SPATA13: variants seen among roughly 807,000 people sequenced by gnomAD.
The protein encoded by SPATA13 is spermatogenesis-associated protein 13.
Under a neutral mutation model 104.0 loss-of-function variants are expected in SPATA13, and 50 were observed. The observed-to-expected ratio is 0.48, with a 90% CI of 0.38 to 0.61. SPATA13 has a LOEUF of 0.61. Ranked by LOEUF, SPATA13 falls within the 20% of genes least tolerant of loss-of-function variation. The probability of loss-of-function intolerance (pLI) is 0.00; values close to 1 mark genes in which losing one functional copy is unlikely to be tolerated. For synonymous variants in SPATA13, 606 were observed against 667.5 expected, an observed-to-expected ratio of 0.91 and a Z score of 1.42; for missense variants, 1,524 against 1,690.6, an observed-to-expected ratio of 0.90 and a Z score of 1.73.
At chr13:24,134,351 T>C (rs949802286) in intron 3 of SPATA13, among the ~76,000 whole-genome samples, 15 of 152,204 alleles carry the variant, frequency 9.9e-5, no homozygotes, top group Admixed American at 2.0e-4. Flanking sequence ...AGTTATCCTC[T>C]GGAAGATTCT....
chr13:24,069,638 G>A lies in SPATA13; in HGVS notation c.-112+51937G>A, dbSNP rs77522333. 3.6e-3 allele frequency among the ~76,000 whole-genome samples: 546 copies of A among 152,174 alleles called. 14 individuals are homozygous for A. The East Asian group carries it at 0.061, about 17-fold the overall frequency. On this transcript the variant is annotated intron_variant, in intron 3 of 14. Coordinates refer to the SPATA13 transcript ENST00000424834. Reference sequence around the variant, plus strand: ...TATCTTGCCCGATTGCCCTGGCCAGGACTTAACTTTGTTTTTATTTTTCTT... The same window carrying A: ...TATCTTGCCCGATTGCCCTGGCCAGAACTTAACTTTGTTTTTATTTTTCTT...
At chr13:24,221,626 A>T (rs1296160098) in intron 1 of SPATA13, among the ~76,000 whole-genome samples, 1 of 152,026 alleles carries the variant, frequency 6.6e-6, no homozygotes, top group Non-Finnish European at 1.5e-5. Context: ...AGGCATGGAC[A>T]CAGGTGTGTG....
chr13:24,158,872 G>A (rs539927322), upstream of SPATA13, among the ~76,000 whole-genome samples: 2 of 152,188 alleles, frequency 1.3e-5, no homozygotes, highest in South Asian at 2.1e-4. Flanking sequence ...AAGGATGCGG[G>A]GGTCTTCAGG....
At chr13:24,049,811 G>A (rs1466549983) in intron 3 of SPATA13, among the ~76,000 whole-genome samples, 2 of 152,122 alleles carry the variant, frequency 1.3e-5, no homozygotes, top group Admixed American at 1.3e-4. Flanking sequence ...TATCTGCAGG[G>A]CCCTTTACAA....
intron 1 of SPATA13, among the ~76,000 whole-genome samples, chr13:24,190,276 A>AACATATGG (rs1566141574): frequency 5.5e-4 from 1 of 1,834 alleles, no homozygotes; most frequent in African/African-American, 7.1e-4. Context: ...ATATATTATT[A>AACATATGG]TATATAATAT....
intron 1 of SPATA13, among the ~76,000 whole-genome samples, chr13:24,162,135 A>G (rs989129296): frequency 1.3e-5 from 2 of 151,252 alleles, no homozygotes; most frequent in Admixed American, 6.6e-5. Flanking sequence ...GCTTTGTCTT[A>G]TTATCCCATA....
intron 2 of SPATA13, among the ~76,000 whole-genome samples, chr13:24,229,547 C>G (rs999302358): frequency 1.3e-5 from 2 of 152,122 alleles, no homozygotes; most frequent in Non-Finnish European, 2.9e-5. Context: ...GTGGTTATCA[C>G]TGTTTAGATG....
upstream of SPATA13, among the ~76,000 whole-genome samples, chr13:24,157,588 C>A (rs561110098): frequency 1.3e-5 from 2 of 152,288 alleles, no homozygotes; most frequent in South Asian, 4.1e-4. Flanking sequence ...GCGTGAGCCA[C>A]GTGCCCGGCT....
intron 3 of SPATA13, among the ~76,000 whole-genome samples, chr13:24,104,632 A>G (rs1024766043): frequency 6.6e-6 from 1 of 152,226 alleles, no homozygotes; most frequent in Non-Finnish European, 1.5e-5. Flanking sequence ...GTGGAATGCA[A>G]ATAAAGTATT....
At chr13:24,085,850 G>C (rs1022581167) in intron 3 of SPATA13, among the ~76,000 whole-genome samples, 1 of 152,196 alleles carries the variant, frequency 6.6e-6, no homozygotes, top group African/African-American at 2.4e-5. Context: ...CTAGCCCCAG[G>C]GTGCTATTAA....
chr13:24,213,972 G>T (rs1424553566), intron 1 of SPATA13, among the ~76,000 whole-genome samples: 2 of 152,224 alleles, frequency 1.3e-5, no homozygotes, highest in African/African-American at 4.8e-5. Flanking sequence ...AAAAGATACA[G>T]CTAATTTTGA....
At position 24,026,776 on chromosome 13, in the gene SPATA13, A is replaced by G. The variant is rs531014159; in HGVS notation, c.-112+9075A>G. The stretch of plus-strand genomic sequence containing the variant: ...GTATTTTTAGTGGAGACGGGTTTTC[A>G]CCGTGTTAGCCAGGATGGTCTGGAT... On this transcript the variant is annotated intron_variant, in intron 3 of 14. Coordinates refer to the SPATA13 transcript ENST00000424834. Among the ~76,000 whole-genome samples, 168 of 151,996 alleles carry G rather than the reference A, an allele frequency of 1.1e-3. 2 individuals are homozygous for G. Among genetic ancestry groups the G allele is most frequent in the African/African-American group, 3.4e-3 (141 of 41,434 alleles).
chr13:24,033,155 C>A (rs1877541778), intron 3 of SPATA13, among the ~76,000 whole-genome samples: 1 of 152,328 alleles, frequency 6.6e-6, no homozygotes, highest in South Asian at 2.1e-4. Context: ...GTTTGAGTAT[C>A]ATTTGAAAGC....
intron 3 of SPATA13, among the ~76,000 whole-genome samples, chr13:24,027,766 T>A (rs1877295890): frequency 6.6e-6 from 1 of 152,226 alleles, no homozygotes; most frequent in East Asian, 1.9e-4. Flanking sequence ...ACCAGTATCA[T>A]AGCATAGTTG....
intron 2 of SPATA13, among the ~76,000 whole-genome samples, chr13:23,989,551 C>T (rs1320108400): frequency 6.6e-6 from 1 of 152,290 alleles, no homozygotes; most frequent in East Asian, 1.9e-4. Context: ...GCTCATGCAG[C>T]TAACTGCATA....
intron 4 of SPATA13, among the ~76,000 whole-genome samples, chr13:24,283,821 A>G (rs928742759): frequency 6.6e-6 from 1 of 152,188 alleles, no homozygotes; most frequent in South Asian, 2.1e-4. Flanking sequence ...ATTGTTATCT[A>G]TATTTATGTT....
chr13:24,043,523 C>G (rs1878012288), intron 3 of SPATA13, among the ~76,000 whole-genome samples: 1 of 152,152 alleles, frequency 6.6e-6, no homozygotes, highest in Non-Finnish European at 1.5e-5. Context: ...TGTGCACATG[C>G]ATCTTGCACA....
intron 3 of SPATA13, among the ~76,000 whole-genome samples, chr13:24,080,430 A>G (rs1008883559): frequency 6.6e-6 from 1 of 152,212 alleles, no homozygotes; most frequent in African/African-American, 2.4e-5. Context: ...TGACACCATC[A>G]CATGCATCAT....
intron 1 of SPATA13, among the ~76,000 whole-genome samples, chr13:24,203,685 C>T (rs368806240): frequency 2.0e-5 from 3 of 152,072 alleles, no homozygotes; most frequent in Non-Finnish European, 4.4e-5. Context: ...TTCTCAAACT[C>T]GTTTCTCTTT....
Sources: gnomAD v4.1 joint callset for allele counts (sites outside exome capture counted in the v4.1 genomes callset) on GRCh38, gnomAD v4.1.1 for gene constraint, MANE v1.5 for transcripts, NCBI Gene and HGNC (gene_info 2026-07-23, HGNC 2026-07-21) for gene names.